Variants in SAMSN1 observed in about 807,000 individuals in gnomAD.
SAMSN1 encodes SAM domain-containing protein SAMSN-1.
Under a neutral mutation model 42.0 loss-of-function variants are expected in SAMSN1, and 31 were observed. The observed-to-expected ratio is 0.74, with a 90% confidence interval of 0.55 to 1.00. The LOEUF is 1.00. Ranked by LOEUF, SAMSN1 falls within the 50% of genes least tolerant of loss-of-function variation. The pLI is 0.00. For missense variants in SAMSN1, 464 were observed against 439.4 expected, an observed-to-expected ratio of 1.06 and a Z score of -0.50; for synonymous variants, 178 against 151.9, an observed-to-expected ratio of 1.17 and a Z score of -1.26.
intron 2 of SAMSN1, among the ~76,000 whole-genome samples, chr21:14,640,352 T>C (rs948836333): frequency 1.3e-5 from 2 of 152,146 alleles, no homozygotes; most frequent in Non-Finnish European, 2.9e-5. Flanking sequence ...AACTCTCTTC[T>C]CTGGAAAGGT....
chr21:14,599,151 A>G (rs111434254), intron 6 of SAMSN1, among the ~76,000 whole-genome samples: 2,542 of 152,208 alleles, frequency 0.017, 39 homozygotes, highest in South Asian at 0.073. Context: ...GACCCTCAAT[A>G]TTGGATGTGG....
chr21:14,621,765 T>G (rs1407231441), intron 2 of SAMSN1, among the ~76,000 whole-genome samples: 2 of 152,166 alleles, frequency 1.3e-5, no homozygotes, highest in African/African-American at 2.4e-5. Flanking sequence ...CTGACAGCTT[T>G]GAAGAGAGTA....
At chr21:14,565,068 G>A (rs966727845) in intron 2 of SAMSN1, among the ~76,000 whole-genome samples, 1 of 152,084 alleles carries the variant, frequency 6.6e-6, no homozygotes, top group Non-Finnish European at 1.5e-5. Flanking sequence ...GCTGAGGTGG[G>A]TGGATCACTT....
At chr21:14,563,364 T>A (rs1440024237) in intron 2 of SAMSN1, among the ~76,000 whole-genome samples, 1 of 152,238 alleles carries the variant, frequency 6.6e-6, no homozygotes, top group African/African-American at 2.4e-5. Flanking sequence ...AAATTTAACA[T>A]GACTTCACTT....
intron 5 of SAMSN1, chr21:14,609,355 G>C (rs1017404452): frequency 7.9e-6 from 5 of 631,602 alleles, no homozygotes; most frequent in Non-Finnish European, 1.4e-5. Context: ...ATCTTATTTG[G>C]TTTTCCTTTT....
At chr21:14,566,751 T>G (rs1429551178) in intron 2 of SAMSN1, among the ~76,000 whole-genome samples, 1 of 152,118 alleles carries the variant, frequency 6.6e-6, no homozygotes, top group East Asian at 1.9e-4. Flanking sequence ...TTGGCCAGGC[T>G]GGTCTTGAAC....
rs1053327913 is a variant in SAMSN1 at position 14,638,417 on chromosome 21, T to A, written c.156+4585A>T. On this transcript the variant is annotated intron_variant, in intron 2 of 15. Transcript: ENST00000647101. ...TTTTCAAGTACTCAATTGCCACCTGTGGTTGTACAGTGTAGCTCTAGGGCA... is the reference window on the plus strand; with the variant it reads ...TTTTCAAGTACTCAATTGCCACCTGAGGTTGTACAGTGTAGCTCTAGGGCA... Among the ~76,000 whole-genome samples, 8 of 152,314 alleles carry A rather than the reference T, an allele frequency of 5.3e-5. No individual in the cohort carries two copies. In the East Asian group the frequency reaches 7.7e-4, roughly 15 times the overall value.
chr21:14,532,389 G>A (rs1047339138), intron 1 of SAMSN1, among the ~76,000 whole-genome samples: 1 of 152,182 alleles, frequency 6.6e-6, no homozygotes, highest in Non-Finnish European at 1.5e-5. Context: ...TATATGGTAT[G>A]TCATCCCAAA....
intron 1 of SAMSN1, among the ~76,000 whole-genome samples, chr21:14,535,111 C>T (rs1243095218): frequency 6.6e-6 from 1 of 152,144 alleles, no homozygotes; most frequent in African/African-American, 2.4e-5. Flanking sequence ...ACCAACCAAA[C>T]CAGAAGATCT....
Position 14,515,515 on chromosome 21 carries a change from C to T in SAMSN1, c.279+1377G>A, listed in dbSNP as rs141116592. On this transcript the variant is annotated intron_variant, in intron 3 of 7. Coordinates refer to ENST00000400566, the MANE Select transcript of SAMSN1 (RefSeq NM_022136.5). Reference sequence around the variant, plus strand: ...AAATTATCTTGAAATAAATGATACACCAAAATTTAAGAGACTATTGGCCTC... The same window carrying T: ...AAATTATCTTGAAATAAATGATACATCAAAATTTAAGAGACTATTGGCCTC... 5.5e-3 allele frequency among the ~76,000 whole-genome samples: 842 copies of T among 152,066 alleles called. 7 individuals carry two copies. Among genetic ancestry groups the T allele is most frequent in the South Asian group, 0.029 (139 of 4,810 alleles).
chr21:14,539,320 G>T (rs1031175866), intron 1 of SAMSN1, among the ~76,000 whole-genome samples: 1 of 152,156 alleles, frequency 6.6e-6, no homozygotes, highest in Non-Finnish European at 1.5e-5. Flanking sequence ...AAGAAATAAA[G>T]GGTATTCAAT....
chr21:14,533,697 G>T (rs576884258), intron 1 of SAMSN1, among the ~76,000 whole-genome samples: 1 of 152,272 alleles, frequency 6.6e-6, no homozygotes, highest in African/African-American at 2.4e-5. Context: ...GCATTGATTT[G>T]CTGTGGGAAA....
intron 5 of SAMSN1, among the ~76,000 whole-genome samples, chr21:14,603,311 A>G (rs1221274696): frequency 6.6e-6 from 1 of 152,214 alleles, no homozygotes; most frequent in African/African-American, 2.4e-5. Flanking sequence ...CCTGTGTTCT[A>G]GAATCTGGAA....
rs1039989264 is a variant in SAMSN1, at chr21:14,610,151, G to C, written c.236-583C>G. Among the ~76,000 whole-genome samples, 3 of 152,252 alleles carry C rather than the reference G, an allele frequency of 2.0e-5. No individual in the cohort carries two copies. In the South Asian group the frequency reaches 6.2e-4, roughly 32 times the overall value. On this transcript the variant is annotated intron_variant, in intron 4 of 15. Transcript: ENST00000647101. ...CTGCCTGTGGGCCGGGCATGATGGAGCCATATTTCTCTTATTACCAAAAAT... is the reference window on the plus strand; with the variant it reads ...CTGCCTGTGGGCCGGGCATGATGGACCCATATTTCTCTTATTACCAAAAAT...
In SAMSN1 at chr21:14,516,918, A is replaced by T. The variant is rs544398167; in HGVS notation, c.253T>A (p.Tyr85Asn). Residue 85 changes from tyrosine to asparagine, a missense_variant, in exon 3 of 8, where the codon TAC (tyrosine) becomes AAC (asparagine). Coordinates refer to ENST00000400566, the MANE Select transcript of SAMSN1 (RefSeq NM_022136.5). The stretch of plus-strand genomic sequence containing the variant: ...TTTTCCTCAGAAAGGGCTTTGATGT[A>T]CTTTTTACCCACTTTTTTCTTCATT... ...WTMKKKVGKK[Y>N]IKALSEEKDE... The T allele has an allele frequency of 6.2e-7, 1 of 1,611,204 alleles. No individual in the cohort carries two copies. Among genetic ancestry groups the T allele is most frequent in the African/African-American group, 1.3e-5 (1 of 74,826 alleles).
chr21:14,654,292 C>G (rs776257316), intron 1 of SAMSN1, among the ~76,000 whole-genome samples: 1 of 151,928 alleles, frequency 6.6e-6, no homozygotes, highest in Non-Finnish European at 1.5e-5. Flanking sequence ...TTGCTGTTTC[C>G]GCTTTTAAGT....
chr21:14,636,797 G>A (rs1395521797), intron 2 of SAMSN1, among the ~76,000 whole-genome samples: 1 of 152,022 alleles, frequency 6.6e-6, no homozygotes, highest in African/African-American at 2.4e-5. Context: ...CCTGGGGGTG[G>A]AGCTTGCAGT....
chr21:14,521,694 C>G (rs1308931565), intron 1 of SAMSN1, among the ~76,000 whole-genome samples: 1 of 152,022 alleles, frequency 6.6e-6, no homozygotes, highest in Non-Finnish European at 1.5e-5. Flanking sequence ...AGTTTGTTCA[C>G]ACGCTGGGGC....
intron 6 of SAMSN1, chr21:14,594,809 C>A (rs1982207157): frequency 6.6e-6 from 1 of 152,132 alleles, no homozygotes; most frequent in Non-Finnish European, 1.5e-5. Context: ...ATGTAATACA[C>A]AATATGATAG....
Sources: gnomAD v4.1 joint callset for allele counts (sites outside exome capture counted in the v4.1 genomes callset) on GRCh38, gnomAD v4.1.1 for gene constraint, MANE v1.5 for transcripts, NCBI Gene and HGNC (gene_info 2026-07-23, HGNC 2026-07-21) for gene names.